MDGA1: variants seen among roughly 807,000 people sequenced by gnomAD.
MDGA1 encodes the protein MAM domain-containing glycosylphosphatidylinositol anchor protein 1.
A neutral mutation model predicts 101.5 loss-of-function variants in MDGA1; 54 were observed. The observed-to-expected ratio is 0.53, with a 90% confidence interval of 0.43 to 0.67. MDGA1 has a LOEUF of 0.67. MDGA1 is among the 30% of genes least tolerant of loss of function. The probability of loss-of-function intolerance (pLI) is 0.00; values close to 1 mark genes in which losing one functional copy is unlikely to be tolerated. For synonymous variants in MDGA1, 533 were observed against 558.3 expected (o/e 0.95, Z 0.64); for missense variants, 1,083 against 1,323.8 (o/e 0.82, Z 2.82).
At position 37,649,114 on chromosome 6, in the gene MDGA1, C is replaced by T. The variant is rs1196502576; in HGVS notation, c.1762G>A (p.Val588Ile). 1 of 1,518,766 alleles carries T rather than the reference C, an allele frequency of 6.6e-7. No homozygotes were observed. The highest frequency in any genetic ancestry group is 1.2e-5 in the South Asian group (1 of 82,278). The allele number at this position is 1,518,766 out of a possible 1,614,324, so 94.1% of individuals were successfully genotyped here. A position where few individuals can be genotyped will look rare whatever the true frequency, so the allele number is the denominator to read the frequency against. ...KGQLLPPPPVVPAAAEAPDHA... is the reference protein window; with the variant it reads ...KGQLLPPPPVIPAAAEAPDHA... ...TCCGGCGCCTCGGCGGCGGCGGGAACAACAGGCGGCGGCGGCAGCAGCTGC... is the reference window on the plus strand; with the variant it reads ...TCCGGCGCCTCGGCGGCGGCGGGAATAACAGGCGGCGGCGGCAGCAGCTGC... The change falls in exon 9 of 17, where the codon GTT (valine) becomes ATT (isoleucine). Residue 588 changes from valine (V) to isoleucine (I), a missense_variant. This residue lies in a region of MDGA1 where 657 missense variants were observed against 771.4 expected (regional missense o/e 0.85). Transcript: ENST00000434837.
intron 1 of MDGA1, among the ~76,000 whole-genome samples, chr6:37,686,916 C>T (rs1357674390): frequency 6.6e-6 from 1 of 152,182 alleles, no homozygotes; most frequent in Non-Finnish European, 1.5e-5. Context: ...CCTGGGGGGT[C>T]CTTATGCTGC....
At position 37,644,521 on chromosome 6, in the gene MDGA1, T is replaced by TG; in HGVS notation, c.2376dup (p.Thr793HisfsTer8). On this transcript the variant is annotated frameshift_variant, in exon 13 of 17. Coordinates refer to ENST00000434837, the MANE Select transcript of MDGA1 (RefSeq NM_153487.4). LOFTEE classifies it high-confidence loss of function. Reference sequence around the variant, plus strand: ...CCCTCAGGGGTGCCACTTATGTCGGTGGGGGGACCAGTGTTGGGGGAGCGT... The same window carrying TG: ...CCCTCAGGGGTGCCACTTATGTCGGTGGGGGGGACCAGTGTTGGGGGAGCGT... 1 of 1,593,360 alleles carries TG rather than the reference T, an allele frequency of 6.3e-7. No homozygotes were observed. The highest frequency in any genetic ancestry group is 8.5e-7 in the Non-Finnish European group (1 of 1,170,260).
chr6:37,635,955 G>A lies in MDGA1; in HGVS notation c.*1413C>T. The A allele has an allele frequency of 2.6e-6, 1 of 390,368 alleles. No homozygotes were observed. Among genetic ancestry groups the A allele is most frequent in the Non-Finnish European group, 4.5e-6 (1 of 220,908 alleles). The allele number at this position is 390,368 out of a possible 1,614,324, so 24.2% of individuals were successfully genotyped here. A position where few individuals can be genotyped will look rare whatever the true frequency, so the allele number is the denominator to read the frequency against. ...TCAATCCAGTCTCACAGGCAGATATGTGAGATTGCACACACAGACCTGTGT... is the reference window on the plus strand; with the variant it reads ...TCAATCCAGTCTCACAGGCAGATATATGAGATTGCACACACAGACCTGTGT... On this transcript the variant is annotated 3_prime_UTR_variant, in exon 17 of 17. Coordinates refer to ENST00000434837, the MANE Select transcript of MDGA1 (RefSeq NM_153487.4).
At chr6:37,668,974 A>G (rs1225496883) in intron 1 of MDGA1, among the ~76,000 whole-genome samples, 2 of 152,060 alleles carry the variant, frequency 1.3e-5, no homozygotes, top group Non-Finnish European at 2.9e-5. Context: ...CAGCCTCCCG[A>G]GTAGCTGGGA....
At position 37,652,447 on chromosome 6, in the gene MDGA1, G is replaced by A. The variant is rs1289169976; in HGVS notation, c.983-107C>T. 6.6e-6 allele frequency: 5 copies of A among 758,006 alleles called. No homozygotes were observed. In the East Asian group the frequency reaches 1.1e-4, roughly 16 times the overall value. The allele number at this position is 758,006 out of a possible 1,614,324, so 47.0% of individuals were successfully genotyped here. A position where few individuals can be genotyped will look rare whatever the true frequency, so the allele number is the denominator to read the frequency against. On this transcript the variant is annotated intron_variant, in intron 6 of 16. Coordinates refer to ENST00000434837, the MANE Select transcript of MDGA1 (RefSeq NM_153487.4). The surrounding 1 kb of genome is among the most constrained non-coding windows in gnomAD (Gnocchi z 4.3). ...TTCTCCCCTCTAGCTGGCCCTTCTG[G>A]GGATAGGGGGCTACAACTCCCCCAG...
Position 37,655,019 on chromosome 6 carries a change from C to T in MDGA1, c.580-87G>A. The T allele has an allele frequency of 1.3e-6, 2 of 1,491,314 alleles. No homozygotes were observed. The highest frequency in any genetic ancestry group is 1.8e-6 in the Non-Finnish European group (2 of 1,102,418). The allele number at this position is 1,491,314 out of a possible 1,614,324, so 92.4% of individuals were successfully genotyped here. On this transcript the variant is annotated intron_variant, in intron 4 of 16. Transcript: ENST00000434837. This position sits in a 1 kb window ranked among gnomAD's most constrained non-coding sequence, Gnocchi z 5.1. ...TCATTCACCCAGCACCAGAGCCTAC[C>T]ACAAATGCCTGTCTAATTCCTCTCT...
intron 1 of MDGA1, among the ~76,000 whole-genome samples, chr6:37,674,005 G>A (rs1327611530): frequency 6.6e-6 from 1 of 152,104 alleles, no homozygotes; most frequent in Non-Finnish European, 1.5e-5. Context: ...TCATTAATTG[G>A]CTCTGTAACA....
chr6:37,634,012 G>A lies in MDGA1; in HGVS notation c.*3356C>T, dbSNP rs1367305043. The stretch of plus-strand genomic sequence containing the variant: ...GAGCACAGGGAAAAGGAGAATGAAT[G>A]AGAAAGAGGTGTCAGGCCCATCTCT... On this transcript the variant is annotated 3_prime_UTR_variant, in exon 17 of 17. Coordinates refer to ENST00000434837, the MANE Select transcript of MDGA1 (RefSeq NM_153487.4). This position sits in a 1 kb window ranked among gnomAD's most constrained non-coding sequence, Gnocchi z 4.7. 1 of 152,608 alleles carries A rather than the reference G, an allele frequency of 6.6e-6. No homozygotes were observed. The highest frequency in any genetic ancestry group is 2.4e-5 in the African/African-American group (1 of 41,462). The allele number at this position is 152,608 out of a possible 1,614,324, so 9.5% of individuals were successfully genotyped here.
At chr6:37,653,431 G>A (rs1398275351) in intron 6 of MDGA1, among the ~76,000 whole-genome samples, 1 of 152,162 alleles carries the variant, frequency 6.6e-6, no homozygotes, top group Admixed American at 6.5e-5. Flanking sequence ...GAGAGTCCAT[G>A]TAATCAGTGA....
At chr6:37,637,553 C>A (rs1184639063) in intron 16 of MDGA1, 94 bp from the exon 17 acceptor site, 2 of 1,080,760 alleles carry the variant, frequency 1.9e-6, no homozygotes, top group East Asian at 2.4e-5. Flanking sequence ...TTACTCTGCC[C>A]ACCTCTTTGG....
At chr6:37,689,005 G>A (rs536381182) in intron 1 of MDGA1, among the ~76,000 whole-genome samples, 32 of 152,260 alleles carry the variant, frequency 2.1e-4, no homozygotes, top group Non-Finnish European at 2.9e-4. Context: ...TCAAGAATCC[G>A]CATTTCCACA....
intron 8 of MDGA1, 35 bp from the exon 9 acceptor site, chr6:37,649,301 C>T: frequency 1.4e-6 from 2 of 1,452,518 alleles, no homozygotes; most frequent in Non-Finnish European, 1.8e-6. Flanking sequence ...GGGGCCTCTC[C>T]CCAGCGAGTG....
intron 1 of MDGA1, among the ~76,000 whole-genome samples, chr6:37,683,445 C>A (rs1160941297): frequency 1.3e-5 from 2 of 152,202 alleles, no homozygotes; most frequent in African/African-American, 4.8e-5. Flanking sequence ...ACTGTTGCTG[C>A]CCCACCTGCA....
chr6:37,674,483 T>C (rs1359242888), intron 1 of MDGA1, among the ~76,000 whole-genome samples: 1 of 152,252 alleles, frequency 6.6e-6, no homozygotes, highest in Admixed American at 6.5e-5. Context: ...CTGCTGCAAG[T>C]GGCGGCTGGT....
rs1387560429 is a variant in MDGA1, at chr6:37,636,182, C to CT, written c.*1185dup. The CT allele has an allele frequency of 6.5e-6, 1 of 154,188 alleles. No individual in the cohort carries two copies. Among genetic ancestry groups the CT allele is most frequent in the African/African-American group, 2.4e-5 (1 of 41,546 alleles). 9.6% of individuals were successfully genotyped at this position (154,188 alleles called of 1,614,324 possible). On this transcript the variant is annotated 3_prime_UTR_variant, in exon 17 of 17. Coordinates refer to ENST00000434837, the MANE Select transcript of MDGA1 (RefSeq NM_153487.4). ...ATCCCATCATGTCAATCTCAGGTGC[C>CT]TAACCCAGGACCCAAGGACAGGGAT...
chr6:37,656,671 C>A (rs7452676), intron 3 of MDGA1, among the ~76,000 whole-genome samples: 86,823 of 152,104 alleles, frequency 0.57, 26,445 homozygotes, highest in East Asian at 0.85. Context: ...CTGCATCCGG[C>A]CAAGACAACA....
intron 1 of MDGA1, among the ~76,000 whole-genome samples, chr6:37,695,656 T>C (rs1157176008): frequency 6.6e-6 from 1 of 152,154 alleles, no homozygotes; most frequent in Non-Finnish European, 1.5e-5. Flanking sequence ...TCAGTGCCTA[T>C]ACTACCCCAC....
intron 1 of MDGA1, among the ~76,000 whole-genome samples, chr6:37,670,601 A>G (rs1189909687): frequency 6.6e-6 from 1 of 152,224 alleles, no homozygotes; most frequent in East Asian, 1.9e-4. Context: ...CGCAGTATGC[A>G]ATCTAAAAAT....
At chr6:37,654,149 C>T in intron 6 of MDGA1, 125 bp downstream of exon 6, 1 of 1,110,188 alleles carries the variant, frequency 9.0e-7, no homozygotes, top group South Asian at 1.9e-5. Context: ...GTGGAACATC[C>T]TCTGCATGAC....
Sources: allele counts gnomAD v4.1 joint callset (sites outside exome capture counted in the v4.1 genomes callset), GRCh38; gene constraint gnomAD v4.1.1; regional missense constraint gnomAD v4.1.1; non-coding constraint Gnocchi (gnomAD v3.1); transcripts MANE v1.5; gene names NCBI Gene and HGNC (gene_info 2026-07-23, HGNC 2026-07-21).